The following CPT1A variants were observed in gnomAD, a reference collection of about 807,000 sequenced individuals.
CPT1A encodes the protein carnitine palmitoyltransferase 1A.
In CPT1A, 64 loss-of-function variants were observed where a neutral mutation model predicts 100.8. The ratio of observed to expected loss-of-function variants is 0.63; its 90% confidence interval spans 0.52 to 0.78. CPT1A has a LOEUF of 0.78. Ranked by LOEUF, CPT1A falls within the 30% of genes least tolerant of loss-of-function variation. CPT1A has a pLI of 0.00. For synonymous variants in CPT1A, 363 were observed against 396.0 expected (o/e 0.92, Z 0.99); for missense variants, 802 against 1,034.1 (o/e 0.78, Z 3.08).
chr11:68,822,120 G>A, intron 1 of CPT1A, among the ~76,000 whole-genome samples: 1 of 152,110 alleles, frequency 6.6e-6, no homozygotes, highest in Non-Finnish European at 1.5e-5. Context: ...GCTCACACCT[G>A]CAATCCCAGC....
At chr11:68,817,120 TG>T (rs1282430957) in intron 1 of CPT1A, among the ~76,000 whole-genome samples, 1 of 138,400 alleles carries the variant, frequency 7.2e-6, no homozygotes, top group East Asian at 2.2e-4. Flanking sequence ...TGTGGGTGTG[TG>T]GTGATGTGTG....
intron 11 of CPT1A, among the ~76,000 whole-genome samples, chr11:68,780,975 C>T (rs551152872): frequency 6.6e-6 from 1 of 152,298 alleles, no homozygotes; most frequent in Non-Finnish European, 1.5e-5. Flanking sequence ...ATCCTGGCAG[C>T]CTGAAGTCAG....
At chr11:68,797,645 C>G (rs549591283) in intron 6 of CPT1A, among the ~76,000 whole-genome samples, 1 of 152,132 alleles carries the variant, frequency 6.6e-6, no homozygotes, top group South Asian at 2.1e-4. Flanking sequence ...TGCATTCCCA[C>G]CTGGGCAACA....
intron 1 of CPT1A, among the ~76,000 whole-genome samples, chr11:68,840,155 G>A (rs977580405): frequency 6.6e-6 from 1 of 152,198 alleles, no homozygotes; most frequent in Non-Finnish European, 1.5e-5. Flanking sequence ...AACCAGCTGC[G>A]AATGCTGATA....
intron 1 of CPT1A, among the ~76,000 whole-genome samples, chr11:68,825,384 C>T (rs1161965291): frequency 6.6e-6 from 1 of 152,138 alleles, no homozygotes; most frequent in African/African-American, 2.4e-5. Context: ...GCACACACTT[C>T]TCACCCCATA....
chr11:68,811,359 C>T (rs986210539), intron 3 of CPT1A, among the ~76,000 whole-genome samples: 1 of 152,152 alleles, frequency 6.6e-6, no homozygotes, highest in Non-Finnish European at 1.5e-5. Flanking sequence ...ACGTCTGGCA[C>T]GGGGCAGCAG....
At chr11:68,815,903 C>T (rs946980704) in intron 1 of CPT1A, among the ~76,000 whole-genome samples, 2 of 148,586 alleles carry the variant, frequency 1.3e-5, no homozygotes, top group African/African-American at 2.5e-5. Context: ...AACCATGCCT[C>T]CAAGCCAGCA....
At chr11:68,839,301 T>C (rs1329411748) in intron 1 of CPT1A, among the ~76,000 whole-genome samples, 6 of 152,336 alleles carry the variant, frequency 3.9e-5, no homozygotes, top group African/African-American at 9.6e-5. Context: ...ATTGCTCGCT[T>C]GGAAAGCGTC....
chr11:68,806,029 T>G (rs1471943096), intron 4 of CPT1A, among the ~76,000 whole-genome samples: 3 of 151,540 alleles, frequency 2.0e-5, no homozygotes, highest in Non-Finnish European at 4.4e-5. Flanking sequence ...TTTTTTTTTT[T>G]TTTTTTTTGA....
intron 1 of CPT1A, among the ~76,000 whole-genome samples, chr11:68,837,677 A>G (rs1471328571): frequency 6.6e-6 from 1 of 152,140 alleles, no homozygotes; most frequent in Non-Finnish European, 1.5e-5. Context: ...TCCAGAGTGG[A>G]AAAAGGGTGC....
intron 1 of CPT1A, among the ~76,000 whole-genome samples, chr11:68,831,656 C>T (rs1322228155): frequency 1.4e-3 from 172 of 125,274 alleles, no homozygotes; most frequent in African/African-American, 4.9e-3. Context: ...TTTTTTGAGA[C>T]GAAGTTTTGC....
chr11:68,767,003 GGAGT>G (rs997918818), intron 14 of CPT1A, among the ~76,000 whole-genome samples: 2 of 152,170 alleles, frequency 1.3e-5, no homozygotes, highest in Non-Finnish European at 2.9e-5. Context: ...CTCTCCCACT[GGAGT>G]GAGAACAGCA....
chr11:68,772,427 G>T (rs900808547), intron 14 of CPT1A, among the ~76,000 whole-genome samples: 1 of 152,192 alleles, frequency 6.6e-6, no homozygotes, highest in Non-Finnish European at 1.5e-5. Context: ...AGGGCCCCCT[G>T]TCTGGGATGG....
Position 68,841,626 on chromosome 11 carries a change from GAAT to G in CPT1A, c.-14+146_-14+148del, listed in dbSNP as rs1857160928. 3.7e-6 allele frequency: 1 copy of G among 271,914 alleles called. No homozygotes were observed. The highest frequency in any genetic ancestry group is 5.6e-6 in the Non-Finnish European group (1 of 177,296). The allele number at this position is 271,914 out of a possible 1,614,324, so 16.8% of individuals were successfully genotyped here. ...TCTCCACAACCCCGCCGTCCGGGGG[GAAT>G]ACCGGGGTTCCTCTCGGCGCCCCGG... On this transcript the variant is annotated intron_variant, in intron 1 of 18. Coordinates refer to ENST00000265641, the MANE Select transcript of CPT1A (RefSeq NM_001876.4). This position sits in a 1 kb window ranked among gnomAD's most constrained non-coding sequence, Gnocchi z 6.3.
upstream of CPT1A, among the ~76,000 whole-genome samples, chr11:68,843,569 C>A (rs148411856): frequency 1.2e-4 from 18 of 152,282 alleles, no homozygotes; most frequent in Non-Finnish European, 1.8e-4. The surrounding 1 kb of genome is among the most constrained non-coding windows in gnomAD (Gnocchi z 4.0). Flanking sequence ...GGCCCTGTCT[C>A]CGATTATGGA....
upstream of CPT1A, among the ~76,000 whole-genome samples, chr11:68,843,623 G>C (rs1857199425): frequency 6.6e-6 from 1 of 152,202 alleles, no homozygotes; most frequent in Non-Finnish European, 1.5e-5. This position sits in a 1 kb window ranked among gnomAD's most constrained non-coding sequence, Gnocchi z 4.0. Flanking sequence ...GTGGGGGAGG[G>C]AAGAATCTCT....
chr11:68,783,660 G>C (rs1855376020), intron 10 of CPT1A, among the ~76,000 whole-genome samples: 1 of 152,212 alleles, frequency 6.6e-6, no homozygotes, highest in African/African-American at 2.4e-5. Flanking sequence ...CTGATGCTGG[G>C]CAATGTCTGC....
At chr11:68,829,438 C>T (rs189120667) in intron 1 of CPT1A, among the ~76,000 whole-genome samples, 473 of 152,118 alleles carry the variant, frequency 3.1e-3, no homozygotes, top group African/African-American at 0.011. Flanking sequence ...GTTTACACAG[C>T]GTGACCATTG....
intron 18 of CPT1A, 105 bp downstream of exon 18, chr11:68,759,464 G>A: frequency 1.3e-6 from 1 of 795,998 alleles, no homozygotes; most frequent in East Asian, 2.5e-5. Flanking sequence ...AGTAAAAGCA[G>A]GCAGTTGAAT....
Sources: allele counts gnomAD v4.1 joint callset (sites outside exome capture counted in the v4.1 genomes callset), GRCh38; gene constraint gnomAD v4.1.1; non-coding constraint Gnocchi (gnomAD v3.1); transcripts MANE v1.5; gene names NCBI Gene and HGNC (gene_info 2026-07-23, HGNC 2026-07-21).